Variants in TJP2 observed in about 807,000 individuals in gnomAD.
TJP2 encodes Friedreich ataxia region gene X104 (tight junction protein ZO-2).
TJP2 carries 91 observed loss-of-function variants against 133.1 expected under a neutral mutation model. That is an observed-to-expected ratio of 0.68 (90% CI 0.58 to 0.81). TJP2 has a LOEUF of 0.81. Ranked by LOEUF, TJP2 falls within the 40% of genes least tolerant of loss-of-function variation. The pLI, the probability that TJP2 is intolerant of heterozygous loss-of-function variation, is 0.00. For missense variants in TJP2, 1,541 were observed against 1,565.6 expected (o/e 0.98, Z 0.26); for synonymous variants, 592 against 583.4 (o/e 1.01, Z -0.21).
At chr9:69,136,563 G>T (rs368527689) in intron 1 of TJP2, among the ~76,000 whole-genome samples, 1 of 152,158 alleles carries the variant, frequency 6.6e-6, no homozygotes, top group African/African-American at 2.4e-5. Flanking sequence ...AAATGTAGAT[G>T]ATTTGGAAAT....
intron 1 of TJP2, among the ~76,000 whole-genome samples, chr9:69,183,793 G>T (rs909828643): frequency 6.6e-5 from 10 of 152,164 alleles, no homozygotes; most frequent in African/African-American, 2.2e-4. Flanking sequence ...GGAGTGCAGT[G>T]GCATGATCTC....
intron 11 of TJP2, among the ~76,000 whole-genome samples, chr9:69,233,331 G>A (rs955700417): frequency 6.6e-6 from 1 of 152,220 alleles, no homozygotes; most frequent in East Asian, 1.9e-4. Context: ...GTGATTAAAA[G>A]GATTCTGTAA....
intron 1 of TJP2, among the ~76,000 whole-genome samples, chr9:69,128,772 C>T (rs1413568471): frequency 7.2e-5 from 11 of 152,112 alleles, no homozygotes; most frequent in African/African-American, 2.4e-4. Flanking sequence ...GTGATCCGCC[C>T]GCCTCGGCCT....
chr9:69,225,574 T>C lies in TJP2; in HGVS notation c.1056+167T>C, dbSNP rs73649627. Among the ~76,000 whole-genome samples, 985 of 152,206 alleles carry C rather than the reference T, an allele frequency of 6.5e-3. 19 individuals carry two copies. The highest frequency in any genetic ancestry group is 0.022 in the African/African-American group (929 of 41,530). ...CGATTTTTATCAGAAAAACCAGACA[T>C]TGAGGGTCGTAACAGTTTAATGTCA... On this transcript the variant is annotated intron_variant, in intron 6 of 22. Coordinates refer to ENST00000377245, the MANE Select transcript of TJP2 (RefSeq NM_004817.4).
At chr9:69,199,996 C>A (rs1564429053) in intron 1 of TJP2, among the ~76,000 whole-genome samples, 1 of 152,138 alleles carries the variant, frequency 6.6e-6, no homozygotes, top group Non-Finnish European at 1.5e-5. Context: ...ATGTTAATGA[C>A]TTCCTTCCTC....
intron 5 of TJP2, among the ~76,000 whole-genome samples, chr9:69,223,937 AT>A (rs1157329965): frequency 6.6e-6 from 1 of 152,226 alleles, no homozygotes; most frequent in Admixed American, 6.5e-5. Flanking sequence ...TAATTATAAG[AT>A]TTTTAGTTTG....
rs1828350857 is a variant in TJP2, at chr9:69,216,070, CG to C, written c.115-267del. 2.6e-5 allele frequency among the ~76,000 whole-genome samples: 4 copies of C among 152,300 alleles called. No homozygotes were observed. The South Asian group carries it at 8.3e-4, about 32-fold the overall frequency. ...GGACTGAAGACATTGTTTCCTATCCCGGCCAGCTTCTAGTGATAACTCCAGT... is the reference window on the plus strand; with the variant it reads ...GGACTGAAGACATTGTTTCCTATCCCGCCAGCTTCTAGTGATAACTCCAGT... On this transcript the variant is annotated intron_variant, in intron 2 of 22. Transcript: ENST00000377245.
intron 1 of TJP2, among the ~76,000 whole-genome samples, chr9:69,189,247 A>G (rs1199493124): frequency 6.6e-6 from 1 of 152,150 alleles, no homozygotes; most frequent in East Asian, 1.9e-4. Flanking sequence ...ACACTGATAA[A>G]CAGAGCAACC....
At chr9:69,172,004 C>T (rs1187419524), upstream of TJP2, among the ~76,000 whole-genome samples, 2 of 151,948 alleles carry the variant, frequency 1.3e-5, no homozygotes, top group African/African-American at 2.4e-5. Context: ...ACCATGTTGG[C>T]CAGGATGGTC....
chr9:69,215,396 T>TTG (rs1248617091), intron 2 of TJP2, among the ~76,000 whole-genome samples: 1 of 151,690 alleles, frequency 6.6e-6, no homozygotes, highest in Non-Finnish European at 1.5e-5. Flanking sequence ...TGTGGTTTTT[T>TTG]TTTTTTGTTT....
intron 2 of TJP2, among the ~76,000 whole-genome samples, chr9:69,165,018 C>T (rs112990763): frequency 0.016 from 2,360 of 152,198 alleles, 52 homozygotes; most frequent in African/African-American, 0.054. Context: ...TTAGTAGAGA[C>T]GGGGTGTCAC....
intron 15 of TJP2, 59 bp downstream of exon 15, chr9:69,238,032 A>G (rs1057025408): frequency 3.0e-5 from 37 of 1,237,488 alleles, no homozygotes; most frequent in African/African-American, 1.5e-5. Flanking sequence ...TTTCTAACAG[A>G]GGAGTTGGAA....
At chr9:69,242,398 T>C (rs141191906) in intron 17 of TJP2, among the ~76,000 whole-genome samples, 2 of 152,332 alleles carry the variant, frequency 1.3e-5, no homozygotes, top group East Asian at 3.9e-4. Context: ...GCATAAATGT[T>C]TGTAACTTAC....
chr9:69,229,960 G>A, intron 10 of TJP2, 122 bp from the exon 11 acceptor site: 1 of 1,286,872 alleles, frequency 7.8e-7, no homozygotes, highest in Non-Finnish European at 1.1e-6. Context: ...AAAAATGAGA[G>A]GGCTTTGTAA....
intron 1 of TJP2, among the ~76,000 whole-genome samples, chr9:69,131,488 A>T (rs1822494431): frequency 6.6e-6 from 1 of 152,212 alleles, no homozygotes; most frequent in African/African-American, 2.4e-5. Flanking sequence ...ATTTGATTGT[A>T]TATTTCATTT....
intron 2 of TJP2, among the ~76,000 whole-genome samples, chr9:69,164,193 C>A (rs1173589169): frequency 1.3e-5 from 2 of 152,184 alleles, no homozygotes; most frequent in African/African-American, 4.8e-5. Context: ...TATTTGCTTG[C>A]AGGTTTTTTC....
At chr9:69,203,232 A>G (rs1349597731) in intron 1 of TJP2, among the ~76,000 whole-genome samples, 1 of 152,078 alleles carries the variant, frequency 6.6e-6, no homozygotes, top group Non-Finnish European at 1.5e-5. Flanking sequence ...GAGCCTGCAC[A>G]TGTCTGCATA....
intron 2 of TJP2, among the ~76,000 whole-genome samples, chr9:69,215,931 A>C (rs907983462): frequency 1.3e-5 from 2 of 152,216 alleles, no homozygotes; most frequent in African/African-American, 4.8e-5. Context: ...AGGAAATCTG[A>C]AAATTAAAAA....
At chr9:69,129,897 C>T (rs1822411901) in intron 1 of TJP2, among the ~76,000 whole-genome samples, 1 of 151,640 alleles carries the variant, frequency 6.6e-6, no homozygotes, top group Admixed American at 6.6e-5. Flanking sequence ...TGCCTGTAAT[C>T]CCAGCTGCTT....
Sources: allele counts gnomAD v4.1 joint callset (sites outside exome capture counted in the v4.1 genomes callset), GRCh38; gene constraint gnomAD v4.1.1; transcripts MANE v1.5; gene names NCBI Gene and HGNC (gene_info 2026-07-23, HGNC 2026-07-21).